Variants in TRIM36 observed in about 807,000 individuals in gnomAD.
TRIM36 encodes the protein tripartite motif containing 36.
In TRIM36, 42 loss-of-function variants were observed where a neutral mutation model predicts 72.4. The observed-to-expected ratio is 0.58, with a 90% CI of 0.45 to 0.75. TRIM36 has a LOEUF of 0.75. TRIM36 is among the 30% of genes least tolerant of loss of function. The pLI is 0.00. For missense variants in TRIM36, 913 were observed against 857.1 expected (o/e 1.07, Z -0.81); for synonymous variants, 315 against 282.8 (o/e 1.11, Z -1.14).
At chr5:115,179,903 G>T in intron 1 of TRIM36, 9 of 1,464,072 alleles carry the variant, frequency 6.1e-6, no homozygotes, top group Non-Finnish European at 7.6e-6. Flanking sequence ...GGACACGGAC[G>T]CCCACAGTGG....
At chr5:115,130,099 T>C (rs1752594405) in intron 9 of TRIM36, among the ~76,000 whole-genome samples, 2 of 152,328 alleles carry the variant, frequency 1.3e-5, no homozygotes, top group South Asian at 4.1e-4. Flanking sequence ...CCTTATTCCA[T>C]CTAAAAGAAC....
Position 115,178,396 on chromosome 5 carries a change from C to CA in TRIM36, c.63+1578dup, listed in dbSNP as rs1489317049. ...TGTTAGGCATTCCCCTAGACCTGGG[C>CA]AGTCGGTGTCCTGCCTGCACCTCTC... is the stretch of plus-strand genomic sequence containing the variant. On this transcript the variant is annotated intron_variant, in intron 1 of 9. Coordinates refer to the TRIM36 transcript ENST00000282369. 3.3e-5 allele frequency among the ~76,000 whole-genome samples: 5 copies of CA among 152,314 alleles called. 1 individual carries two copies. The highest frequency in any genetic ancestry group is 3.3e-4 in the Admixed American group (5 of 15,310).
At chr5:115,167,536 T>G (rs1323321905) in intron 1 of TRIM36, among the ~76,000 whole-genome samples, 1 of 152,230 alleles carries the variant, frequency 6.6e-6, no homozygotes, top group Non-Finnish European at 1.5e-5. Flanking sequence ...ACACTGCCAG[T>G]CTCTTTGCTA....
Position 115,169,739 on chromosome 5 carries a change from C to A in TRIM36, c.-105G>T. 3 of 1,445,248 alleles carry A rather than the reference C, an allele frequency of 2.1e-6. No homozygotes were observed. Among genetic ancestry groups the A allele is most frequent in the Non-Finnish European group, 2.7e-6 (3 of 1,091,108 alleles). 89.5% of individuals were successfully genotyped at this position (1,445,248 alleles called of 1,614,324 possible). A position where few individuals can be genotyped will look rare whatever the true frequency, so the allele number is the denominator to read the frequency against. ...CTGCGGCGGCCGTGGAGCCTCGGTC[C>A]GAAGCTGGAAGATGAGCTGGTCAGC... On this transcript the variant is annotated 5_prime_UTR_variant, in exon 1 of 10. Transcript: ENST00000513154.
rs1171422671 is a variant in TRIM36, at chr5:115,125,989, AC to A, written c.*513del. The stretch of plus-strand genomic sequence containing the variant: ...TAATTTTCCACTTAAATATACTACC[AC>A]TTTTATGGTGTTTTTCTTTTAACCT... On this transcript the variant is annotated 3_prime_UTR_variant, in exon 10 of 10. Coordinates refer to ENST00000513154, the MANE Select transcript of TRIM36 (RefSeq NM_001300759.2). The A allele has an allele frequency of 6.6e-6, 1 of 152,526 alleles. No homozygotes were observed. The highest frequency in any genetic ancestry group is 1.5e-5 in the Non-Finnish European group (1 of 68,318). 9.4% of individuals were successfully genotyped at this position (152,526 alleles called of 1,614,324 possible). A position where few individuals can be genotyped will look rare whatever the true frequency, so the allele number is the denominator to read the frequency against.
At chr5:115,130,952 G>T in intron 8 of TRIM36, 63 bp from the exon 9 acceptor site, 1 of 1,507,066 alleles carries the variant, frequency 6.6e-7, no homozygotes, top group East Asian at 2.3e-5. Flanking sequence ...TGTTAAATCT[G>T]ATAGGTTTTC....
At chr5:115,177,785 C>T (rs1200736872) in intron 1 of TRIM36, 4 of 1,614,104 alleles carry the variant, frequency 2.5e-6, no homozygotes, top group Admixed American at 3.3e-5. Context: ...TTTCCAACCT[C>T]AGAGATTTCA....
upstream of TRIM36, chr5:115,171,218 G>C: frequency 1.2e-6 from 2 of 1,614,098 alleles, no homozygotes; most frequent in Non-Finnish European, 1.7e-6. Flanking sequence ...TCTCCAATCC[G>C]GCATCTAAAT....
At chr5:115,140,073 A>G (rs1352082360) in intron 5 of TRIM36, among the ~76,000 whole-genome samples, 3 of 152,206 alleles carry the variant, frequency 2.0e-5, no homozygotes, top group Non-Finnish European at 4.4e-5. Context: ...AGAAAACCCC[A>G]AACTGCATGG....
chr5:115,134,309 T>C lies in TRIM36; in HGVS notation c.1211-162A>G, dbSNP rs1477904841. ...ATAGAAAGCACAAAAATTAAATATA[T>C]TAAATATTTTTTATATTTAAAAGGT... is the stretch of plus-strand genomic sequence containing the variant. On this transcript the variant is annotated intron_variant, in intron 7 of 9. Coordinates refer to ENST00000513154, the MANE Select transcript of TRIM36 (RefSeq NM_001300759.2). Among the ~76,000 whole-genome samples, 5 of 151,752 alleles carry C rather than the reference T, an allele frequency of 3.3e-5. No individual in the cohort carries two copies. In the East Asian group the frequency reaches 9.6e-4, roughly 29 times the overall value.
intron 5 of TRIM36, 27 bp downstream of exon 5, chr5:115,141,252 A>G: frequency 6.8e-7 from 1 of 1,465,348 alleles, no homozygotes; most frequent in Non-Finnish European, 9.4e-7. Context: ...CAATAATTTA[A>G]AATATGCAAG....
chr5:115,132,059 A>G (rs545866281), intron 8 of TRIM36, among the ~76,000 whole-genome samples: 1 of 151,996 alleles, frequency 6.6e-6, no homozygotes, highest in African/African-American at 2.4e-5. Flanking sequence ...TTAAAAAATG[A>G]CCCCCAGGCA....
chr5:115,129,482 C>T (rs1165206432), intron 9 of TRIM36, among the ~76,000 whole-genome samples: 4 of 152,036 alleles, frequency 2.6e-5, no homozygotes, highest in Admixed American at 6.6e-5. Flanking sequence ...CGCTTGAACC[C>T]GGGAGGCAGA....
At chr5:115,145,423 T>A (rs550269745) in intron 3 of TRIM36, among the ~76,000 whole-genome samples, 3 of 152,366 alleles carry the variant, frequency 2.0e-5, no homozygotes, top group Non-Finnish European at 4.4e-5. Flanking sequence ...GGGAGATTCC[T>A]TTAAGTTAGT....
chr5:115,175,541 T>C (rs760795497), intron 1 of TRIM36, among the ~76,000 whole-genome samples: 62 of 152,294 alleles, frequency 4.1e-4, no homozygotes, highest in Non-Finnish European at 7.8e-4. Context: ...TGGGTCTCAG[T>C]CCAGCATCCT....
At chr5:115,177,631 G>A (rs1252338413) in intron 1 of TRIM36, 9 of 1,546,062 alleles carry the variant, frequency 5.8e-6, no homozygotes, top group East Asian at 4.6e-5. Context: ...GCTGCGGGGC[G>A]GGGCAGGATT....
chr5:115,170,954 C>T (rs1369576581), upstream of TRIM36: 13 of 1,247,584 alleles, frequency 1.0e-5, no homozygotes, highest in Admixed American at 2.3e-5. Context: ...TTTCAGGACA[C>T]ACGGAGAACA....
intron 5 of TRIM36, among the ~76,000 whole-genome samples, chr5:115,140,134 T>G (rs1482739691): frequency 6.6e-6 from 1 of 152,182 alleles, no homozygotes; most frequent in Admixed American, 6.5e-5. Context: ...GAAAATAATA[T>G]TAAAAACAAA....
chr5:115,136,858 GAT>G, intron 7 of TRIM36, 140 bp downstream of exon 7: 1 of 681,742 alleles, frequency 1.5e-6, no homozygotes, highest in Non-Finnish European at 2.2e-6. Flanking sequence ...ACATAAATAG[GAT>G]ATGATTTCAG....
Sources: gnomAD v4.1 joint callset for allele counts (sites outside exome capture counted in the v4.1 genomes callset) on GRCh38, gnomAD v4.1.1 for gene constraint, MANE v1.5 for transcripts, NCBI Gene and HGNC (gene_info 2026-07-23, HGNC 2026-07-21) for gene names.